UBE2E3: variants seen among roughly 807,000 people sequenced by gnomAD.
The protein encoded by UBE2E3 is ubiquitin conjugating enzyme E2 E3.
Under a neutral mutation model 23.6 loss-of-function variants are expected in UBE2E3, and 5 were observed. The ratio of observed to expected loss-of-function variants is 0.21; its 90% CI spans 0.11 to 0.44. The LOEUF is 0.44. Among genes scored for constraint, UBE2E3 ranks in the 20% least tolerant of loss-of-function variants. The pLI is 0.99. For synonymous variants in UBE2E3, 78 were observed against 87.5 expected, an observed-to-expected ratio of 0.89 and a Z score of 0.60; for missense variants, 81 against 249.8, an observed-to-expected ratio of 0.32 and a Z score of 4.55.
chr2:181,021,598 CCCTT>C (rs1316418116), intron 3 of UBE2E3, among the ~76,000 whole-genome samples: 2 of 98,480 alleles, frequency 2.0e-5, no homozygotes, highest in Non-Finnish European at 4.1e-5. Flanking sequence ...CTTCCTCCCT[CCCTT>C]CCTTCCTTCC....
intron 3 of UBE2E3, among the ~76,000 whole-genome samples, chr2:181,006,842 T>A (rs1685164015): frequency 6.6e-6 from 1 of 152,204 alleles, no homozygotes; most frequent in Non-Finnish European, 1.5e-5. Context: ...GAAGACTGAC[T>A]TTTGAAAGAT....
intron 3 of UBE2E3, among the ~76,000 whole-genome samples, chr2:181,013,086 C>T (rs956747451): frequency 2.6e-5 from 4 of 152,044 alleles, no homozygotes; most frequent in Admixed American, 2.6e-4. Flanking sequence ...CTCAGCTTCC[C>T]GAGTAGCTGG....
intron 3 of UBE2E3, among the ~76,000 whole-genome samples, chr2:180,986,954 A>G (rs958257792): frequency 3.9e-5 from 6 of 152,146 alleles, no homozygotes; most frequent in African/African-American, 1.4e-4. Context: ...TGTCTAGTAC[A>G]TACATACCCA....
intron 3 of UBE2E3, among the ~76,000 whole-genome samples, chr2:181,017,807 G>A (rs924347257): frequency 6.7e-6 from 1 of 148,762 alleles, no homozygotes; most frequent in African/African-American, 2.5e-5. Context: ...GAACTAAAAC[G>A]GGTATCTGCT....
intron 3 of UBE2E3, among the ~76,000 whole-genome samples, chr2:180,987,653 T>C (rs1396878519): frequency 6.6e-6 from 1 of 152,022 alleles, no homozygotes; most frequent in African/African-American, 2.4e-5. Flanking sequence ...TCTTTAAAAA[T>C]AAAAAAATAA....
rs559445749 is a variant in UBE2E3 at position 180,999,251 on chromosome 2, C to T, written c.245+15158C>T. Among the ~76,000 whole-genome samples, 17 of 152,192 alleles carry T rather than the reference C, an allele frequency of 1.1e-4. 1 individual carries two copies. Among genetic ancestry groups the T allele is most frequent in the South Asian group, 8.3e-4 (4 of 4,810 alleles). ...GGCAGTTCCTAGTACTCTGACGTTC[C>T]ACAGTAGGCTAAAGAAGAAAAACTG... is the stretch of plus-strand genomic sequence containing the variant. On this transcript the variant is annotated intron_variant, in intron 3 of 5. Transcript: ENST00000410062.
rs556449255 is a variant in UBE2E3, at chr2:180,983,689, CCCT to C, written c.195-348_195-346del. 5.9e-5 allele frequency among the ~76,000 whole-genome samples: 9 copies of C among 152,264 alleles called. No homozygotes were observed. The East Asian group carries it at 1.5e-3, about 26-fold the overall frequency. On this transcript the variant is annotated intron_variant, in intron 2 of 5. Transcript: ENST00000410062. ...TCCTTGTCAAATATTCCAGTGCTTT[CCCT>C]CCTCCCTTTTTGTCTCATTTGCATA...
At chr2:181,019,613 T>C (rs1428899296) in intron 3 of UBE2E3, among the ~76,000 whole-genome samples, 1 of 152,174 alleles carries the variant, frequency 6.6e-6, no homozygotes, top group African/African-American at 2.4e-5. Context: ...GGGAACACAA[T>C]GTACCAGTGA....
At position 181,055,930 on chromosome 2, in the gene UBE2E3, G is replaced by A. The variant is rs181963287; in HGVS notation, c.246-1763G>A. ...TTTATAAAGTAATGGTGTGTTAAGC[G>A]CAGTGCACCAAAATGTAACTAAGAC... is the stretch of plus-strand genomic sequence containing the variant. On this transcript the variant is annotated intron_variant, in intron 3 of 5. Coordinates refer to ENST00000410062, the MANE Select transcript of UBE2E3 (RefSeq NM_006357.4). Among the ~76,000 whole-genome samples, 589 of 151,632 alleles carry A rather than the reference G, an allele frequency of 3.9e-3. 4 individuals are homozygous for A. The highest frequency in any genetic ancestry group is 0.013 in the African/African-American group (527 of 41,426).
At chr2:181,034,777 A>G (rs560964272) in intron 3 of UBE2E3, among the ~76,000 whole-genome samples, 1 of 152,322 alleles carries the variant, frequency 6.6e-6, no homozygotes, top group East Asian at 1.9e-4. Flanking sequence ...TTTCATTTCT[A>G]TTTATATTCA....
Position 181,060,658 on chromosome 2 carries a change from T to G in UBE2E3, c.379-7T>G, listed in dbSNP as rs760566618. 1.9e-6 allele frequency: 3 copies of G among 1,594,632 alleles called. No homozygotes were observed. The highest frequency in any genetic ancestry group is 2.6e-6 in the Non-Finnish European group (3 of 1,172,298). On this transcript the variant is annotated splice_polypyrimidine_tract_variant and splice_region_variant and intron_variant, in intron 4 of 5. Coordinates refer to ENST00000410062, the MANE Select transcript of UBE2E3 (RefSeq NM_006357.4). ...TTTCCTTCTGTTTTTAATGTGACTG[T>G]GCTTAGGTTACTTTCCGCACCAGAA...
intron 3 of UBE2E3, among the ~76,000 whole-genome samples, chr2:181,033,229 C>G (rs149195105): frequency 0.15 from 23,225 of 152,196 alleles, 2,354 homozygotes; most frequent in East Asian, 0.29. Context: ...CAAGACAATC[C>G]TAAGCCAAAA....
chr2:181,042,091 A>T (rs1686528587), intron 3 of UBE2E3, among the ~76,000 whole-genome samples: 1 of 152,184 alleles, frequency 6.6e-6, no homozygotes, highest in African/African-American at 2.4e-5. Context: ...CAGTTTTTCC[A>T]CTAATGTCCT....
At chr2:180,999,296 C>T (rs1374240187) in intron 3 of UBE2E3, among the ~76,000 whole-genome samples, 3 of 152,136 alleles carry the variant, frequency 2.0e-5, no homozygotes, top group Admixed American at 6.5e-5. Context: ...AGAAATACCA[C>T]AATACCAAAA....
At chr2:181,043,692 A>AGG (rs1686582780) in intron 3 of UBE2E3, among the ~76,000 whole-genome samples, 14 of 151,974 alleles carry the variant, frequency 9.2e-5, no homozygotes, top group Non-Finnish European at 2.9e-5. Flanking sequence ...GACATAATCA[A>AGG]TGTTATTTCC....
chr2:181,025,806 A>G (rs185203112), intron 3 of UBE2E3, among the ~76,000 whole-genome samples: 22 of 152,072 alleles, frequency 1.4e-4, no homozygotes, highest in African/African-American at 4.1e-4. Context: ...CAAGTCTTCT[A>G]TAAGAACAAT....
chr2:181,062,327 G>T (rs1028922764), intron 5 of UBE2E3, among the ~76,000 whole-genome samples: 3 of 151,654 alleles, frequency 2.0e-5, no homozygotes, highest in Non-Finnish European at 3.0e-5. Context: ...AAGTTTTCAA[G>T]TGTAAATATT....
chr2:181,042,950 A>C (rs181316550), intron 3 of UBE2E3, among the ~76,000 whole-genome samples: 18 of 152,286 alleles, frequency 1.2e-4, no homozygotes, highest in African/African-American at 4.1e-4. Context: ...TTTTCAATAC[A>C]GTTTACTGCT....
chr2:180,990,483 C>T (rs569743090), intron 3 of UBE2E3, among the ~76,000 whole-genome samples: 1 of 152,316 alleles, frequency 6.6e-6, no homozygotes, highest in South Asian at 2.1e-4. Flanking sequence ...ACACCTTCCT[C>T]AGCTGATTCT....
Sources: gnomAD v4.1 joint callset for allele counts (sites outside exome capture counted in the v4.1 genomes callset) on GRCh38, gnomAD v4.1.1 for gene constraint, MANE v1.5 for transcripts, NCBI Gene and HGNC (gene_info 2026-07-23, HGNC 2026-07-21) for gene names.